The following SIPA1L1 variants were observed in gnomAD, a reference collection of about 807,000 sequenced individuals.
SIPA1L1 encodes signal-induced proliferation-associated 1-like protein 1.
A neutral mutation model predicts 162.7 loss-of-function variants in SIPA1L1; 26 were observed. That is an observed-to-expected ratio of 0.16 (90% CI 0.12 to 0.22). The LOEUF (loss-of-function observed/expected upper bound fraction) is 0.22, where lower values mean the gene tolerates loss of function less well. Ranked by LOEUF, SIPA1L1 falls within the 10% of genes least tolerant of loss-of-function variation. The pLI is 1.00. For synonymous variants in SIPA1L1, 829 were observed against 837.4 expected (o/e 0.99, Z 0.17); for missense variants, 1,874 against 2,241.0 (o/e 0.84, Z 3.31).
intron 7 of SIPA1L1, among the ~76,000 whole-genome samples, chr14:71,643,140 GC>G (rs917584881): frequency 1.3e-5 from 2 of 152,048 alleles, no homozygotes; most frequent in African/African-American, 4.8e-5. Flanking sequence ...AACTCAATGA[GC>G]CCTAAGAATA....
intron 2 of SIPA1L1, among the ~76,000 whole-genome samples, chr14:71,463,380 G>A (rs1202952452): frequency 4.6e-5 from 7 of 152,074 alleles, no homozygotes; most frequent in South Asian, 4.2e-4. Flanking sequence ...ACTGTAAGTC[G>A]CACCTGAGCT....
intron 7 of SIPA1L1, among the ~76,000 whole-genome samples, chr14:71,647,179 T>C (rs1463277703): frequency 1.3e-5 from 2 of 152,142 alleles, no homozygotes; most frequent in African/African-American, 4.8e-5. Context: ...TGACACAGTT[T>C]CAAACCAGAG....
intron 3 of SIPA1L1, among the ~76,000 whole-genome samples, chr14:71,528,405 A>T (rs2053103634): frequency 6.6e-6 from 1 of 152,204 alleles, no homozygotes; most frequent in South Asian, 2.1e-4. Context: ...CTGTAATCCC[A>T]GCACTTTGGG....
chr14:71,487,888 C>G (rs2048900102), intron 2 of SIPA1L1, among the ~76,000 whole-genome samples: 1 of 152,148 alleles, frequency 6.6e-6, no homozygotes, highest in African/African-American at 2.4e-5. Flanking sequence ...ATGCTGGGTT[C>G]TAGAGCTGCA....
chr14:71,361,885 T>C (rs982498814), intron 2 of SIPA1L1, among the ~76,000 whole-genome samples: 2 of 152,250 alleles, frequency 1.3e-5, no homozygotes, highest in African/African-American at 4.8e-5. Context: ...GCTAGTATCA[T>C]GTACTAGTGG....
chr14:71,700,325 G>A (rs997815345), intron 14 of SIPA1L1, among the ~76,000 whole-genome samples: 7 of 151,996 alleles, frequency 4.6e-5, no homozygotes, highest in Admixed American at 1.3e-4. Flanking sequence ...GTGGAGGCTG[G>A]GAATTTGAGT....
chr14:71,692,929 G>A (rs371262837), intron 13 of SIPA1L1, among the ~76,000 whole-genome samples: 4 of 152,140 alleles, frequency 2.6e-5, no homozygotes, highest in African/African-American at 9.7e-5. Flanking sequence ...CTACGCTACT[G>A]GGAGTGTGTG....
At chr14:71,482,952 TC>T (rs1220367334) in intron 2 of SIPA1L1, among the ~76,000 whole-genome samples, 1 of 152,208 alleles carries the variant, frequency 6.6e-6, no homozygotes. Flanking sequence ...AGCAGCCAAC[TC>T]ATAGTCAGCC....
At chr14:71,667,309 C>A (rs1336237211) in intron 10 of SIPA1L1, among the ~76,000 whole-genome samples, 1 of 152,110 alleles carries the variant, frequency 6.6e-6, no homozygotes, top group Non-Finnish European at 1.5e-5. Flanking sequence ...CTCCCTGGAC[C>A]TCCCAGGACT....
intron 10 of SIPA1L1, among the ~76,000 whole-genome samples, chr14:71,669,292 T>C (rs1596796571): frequency 6.6e-6 from 1 of 152,212 alleles, no homozygotes; most frequent in Non-Finnish European, 1.5e-5. Flanking sequence ...TAAAGTTCTA[T>C]CAATTAATAA....
At chr14:71,690,562 T>G (rs1422474896) in intron 13 of SIPA1L1, among the ~76,000 whole-genome samples, 1 of 152,194 alleles carries the variant, frequency 6.6e-6, no homozygotes, top group Non-Finnish European at 1.5e-5. Flanking sequence ...TCTACATTTC[T>G]AAAGCTTCTG....
chr14:71,561,897 A>T (rs1316497987), intron 4 of SIPA1L1, among the ~76,000 whole-genome samples: 7 of 151,986 alleles, frequency 4.6e-5, no homozygotes, highest in African/African-American at 1.7e-4. Flanking sequence ...CAGGCTAAAT[A>T]TTTCCTACTT....
intron 2 of SIPA1L1, among the ~76,000 whole-genome samples, chr14:71,446,687 A>AT (rs1436199112): frequency 5.9e-5 from 9 of 151,988 alleles, no homozygotes; most frequent in African/African-American, 2.2e-4. Context: ...TAAATGCTTG[A>AT]TTGTTTTCTT....
intron 5 of SIPA1L1, 54 bp downstream of exon 5, chr14:71,589,424 A>G (rs2034984010): frequency 1.8e-6 from 2 of 1,090,040 alleles, no homozygotes; most frequent in Admixed American, 4.1e-5. Flanking sequence ...TTTCTGAAGA[A>G]AAGTACTGTA....
chr14:71,343,578 A>T (rs1435744530), intron 2 of SIPA1L1, among the ~76,000 whole-genome samples: 1 of 152,176 alleles, frequency 6.6e-6, no homozygotes, highest in Non-Finnish European at 1.5e-5. Context: ...GTCATCCATC[A>T]TTCTGCCACC....
chr14:71,513,245 ATCTGGTTGGTGT>A (rs2144488386), intron 3 of SIPA1L1, among the ~76,000 whole-genome samples: 1 of 151,946 alleles, frequency 6.6e-6, no homozygotes, highest in Non-Finnish European at 1.5e-5. Context: ...ACTGTAAGAC[ATCTGGTTGGTGT>A]CTTGGTGTCT....
chr14:71,643,614 C>T (rs747577747), intron 7 of SIPA1L1, among the ~76,000 whole-genome samples: 2 of 152,150 alleles, frequency 1.3e-5, no homozygotes, highest in Non-Finnish European at 2.9e-5. Context: ...TAATAGAAGG[C>T]ACTTGGACTC....
At chr14:71,428,276 C>T (rs1343622142) in intron 2 of SIPA1L1, among the ~76,000 whole-genome samples, 3 of 152,036 alleles carry the variant, frequency 2.0e-5, no homozygotes, top group African/African-American at 4.8e-5. Context: ...GGATTACAGG[C>T]ATGAGCAACC....
intron 10 of SIPA1L1, among the ~76,000 whole-genome samples, chr14:71,668,431 C>G (rs2044221001): frequency 6.6e-6 from 1 of 152,194 alleles, no homozygotes; most frequent in Non-Finnish European, 1.5e-5. Context: ...GTACCAGCTG[C>G]TCAACCGGAG....
Sources: allele counts gnomAD v4.1 joint callset (sites outside exome capture counted in the v4.1 genomes callset), GRCh38; gene constraint gnomAD v4.1.1; transcripts MANE v1.5; gene names NCBI Gene and HGNC (gene_info 2026-07-23, HGNC 2026-07-21).